FAM168B: variants seen among roughly 807,000 people sequenced by gnomAD.
The protein encoded by FAM168B is family with sequence similarity 168 member B.
A neutral mutation model predicts 21.8 loss-of-function variants in FAM168B; 19 were observed. That is an observed-to-expected ratio of 0.87 (90% CI 0.61 to 1.28). FAM168B has a LOEUF of 1.28. Ranked by LOEUF, FAM168B falls within the 50% of genes most tolerant of loss-of-function variation. The pLI, the probability that FAM168B is intolerant of heterozygous loss-of-function variation, is 0.00. For synonymous variants in FAM168B, 126 were observed against 104.8 expected (o/e 1.20, Z -1.24); for missense variants, 233 against 263.1 (o/e 0.89, Z 0.79).
chr2:131,091,041 T>C lies in FAM168B; in HGVS notation c.-12+2173A>G, dbSNP rs1693992959. 5.3e-5 allele frequency among the ~76,000 whole-genome samples: 8 copies of C among 152,276 alleles called. No homozygotes were observed. In the South Asian group the frequency reaches 1.7e-3, roughly 32 times the overall value. On this transcript the variant is annotated intron_variant, in intron 1 of 6. Transcript: ENST00000389915. ...CACCACACCTGGACAAAAATATATT[T>C]TTAAAAAAGAAGCTGGATACGGTGG...
intron 3 of FAM168B, among the ~76,000 whole-genome samples, chr2:131,061,406 C>T (rs922435106): frequency 6.6e-6 from 1 of 151,542 alleles, no homozygotes; most frequent in Non-Finnish European, 1.5e-5. Flanking sequence ...ATGGAAACAA[C>T]AGTCATGCAT....
intron 1 of FAM168B, among the ~76,000 whole-genome samples, chr2:131,085,347 C>T (rs1693635532): frequency 6.6e-6 from 1 of 152,116 alleles, no homozygotes; most frequent in Non-Finnish European, 1.5e-5. Context: ...TCCCCACATC[C>T]CCATTTAGAA....
At chr2:131,075,275 T>TAAA (rs1172103189) in intron 2 of FAM168B, among the ~76,000 whole-genome samples, 1 of 144,158 alleles carries the variant, frequency 6.9e-6, no homozygotes, top group African/African-American at 2.6e-5. Flanking sequence ...TTCCTTCTTT[T>TAAA]AAAAAAAAAA....
chr2:131,071,106 T>C (rs1004993203), intron 3 of FAM168B, among the ~76,000 whole-genome samples: 3 of 152,212 alleles, frequency 2.0e-5, no homozygotes, highest in Non-Finnish European at 4.4e-5. Flanking sequence ...GGCAGAATTT[T>C]ATGATTAACA....
At chr2:131,069,718 C>A (rs938030797) in intron 3 of FAM168B, among the ~76,000 whole-genome samples, 1 of 152,104 alleles carries the variant, frequency 6.6e-6, no homozygotes, top group African/African-American at 2.4e-5. Flanking sequence ...TGGTCTCGAT[C>A]TCCTGACCTC....
In FAM168B at chr2:131,050,127, G is replaced by A. The variant is rs540358033; in HGVS notation, c.*2338C>T. The A allele has an allele frequency of 3.0e-5, 30 of 985,432 alleles. No individual in the cohort carries two copies. Among genetic ancestry groups the A allele is most frequent in the African/African-American group, 5.2e-5 (3 of 57,350 alleles). The allele number at this position is 985,432 out of a possible 1,614,324, so 61.0% of individuals were successfully genotyped here. A position where few individuals can be genotyped will look rare whatever the true frequency, so the allele number is the denominator to read the frequency against. On this transcript the variant is annotated 3_prime_UTR_variant, in exon 7 of 7. Transcript: ENST00000389915. ...TGTTTATGAAGCTGATGTAAATGGC[G>A]TGTGGGGGGTGCAGCCCACTCTTTA...
intron 5 of FAM168B, among the ~76,000 whole-genome samples, chr2:131,054,728 G>A (rs1691912829): frequency 6.6e-6 from 1 of 152,170 alleles, no homozygotes. Context: ...GCGGAGATGT[G>A]CCCATCCCAG....
chr2:131,072,326 G>C (rs1331497257), intron 2 of FAM168B, among the ~76,000 whole-genome samples: 1 of 151,848 alleles, frequency 6.6e-6, no homozygotes, highest in African/African-American at 2.4e-5. Context: ...GTTTCATCAC[G>C]TTAGCCAGGC....
chr2:131,062,148 CAG>C (rs1692335194), intron 3 of FAM168B, among the ~76,000 whole-genome samples: 1 of 152,154 alleles, frequency 6.6e-6, no homozygotes. Context: ...AGAAAGAGCT[CAG>C]AGTGAAGAGA....
At chr2:131,072,059 A>G (rs1692899982) in intron 2 of FAM168B, 121 bp from the exon 3 acceptor site, 1 of 801,012 alleles carries the variant, frequency 1.2e-6, no homozygotes, top group South Asian at 1.5e-5. Flanking sequence ...AGCAGCCCCA[A>G]GAGCACTATG....
At chr2:131,056,280 A>C (rs1692016569) in intron 3 of FAM168B, among the ~76,000 whole-genome samples, 1 of 152,230 alleles carries the variant, frequency 6.6e-6, no homozygotes, top group African/African-American at 2.4e-5. Context: ...CCCCACACAA[A>C]ATGACATGAA....
chr2:131,066,546 A>T (rs1201489147), intron 3 of FAM168B, among the ~76,000 whole-genome samples: 1 of 151,688 alleles, frequency 6.6e-6, no homozygotes, highest in East Asian at 1.9e-4. Flanking sequence ...AGAGCTTATT[A>T]CAAAGAACAG....
In FAM168B at chr2:131,050,160, A is replaced by G. The variant is rs1021666205; in HGVS notation, c.*2305T>C. The G allele has an allele frequency of 1.0e-6, 1 of 985,448 alleles. No individual in the cohort carries two copies. The highest frequency in any genetic ancestry group is 1.2e-6 in the Non-Finnish European group (1 of 829,930). The allele number at this position is 985,448 out of a possible 1,614,324, so 61.0% of individuals were successfully genotyped here. A position where few individuals can be genotyped will look rare whatever the true frequency, so the allele number is the denominator to read the frequency against. On this transcript the variant is annotated 3_prime_UTR_variant, in exon 7 of 7. Coordinates refer to ENST00000389915, the MANE Select transcript of FAM168B (RefSeq NM_001009993.4). ...GGTGCAGCCCACTCTTTAAAACACC[A>G]TCCTGTGTGTGCCAAGTACCAAGCA...
intron 6 of FAM168B, 112 bp downstream of exon 6, chr2:131,052,779 C>T: frequency 6.9e-7 from 1 of 1,449,926 alleles, no homozygotes; most frequent in Non-Finnish European, 9.2e-7. Context: ...GCCTCTGGAT[C>T]CAGGGTCAGG....
intron 3 of FAM168B, among the ~76,000 whole-genome samples, chr2:131,067,716 A>ATCACAC (rs1427056541): frequency 1.3e-5 from 2 of 151,946 alleles, no homozygotes; most frequent in Non-Finnish European, 2.9e-5. Context: ...GTGAGATCCT[A>ATCACAC]TCACACTCAC....
At chr2:131,059,842 A>C (rs1692205712) in intron 3 of FAM168B, among the ~76,000 whole-genome samples, 2 of 152,368 alleles carry the variant, frequency 1.3e-5, no homozygotes, top group South Asian at 4.1e-4. Context: ...TCTTTTAAAG[A>C]TAATATTTAA....
At chr2:131,078,033 A>C (rs1449317176) in intron 2 of FAM168B, among the ~76,000 whole-genome samples, 1 of 152,216 alleles carries the variant, frequency 6.6e-6, no homozygotes, top group Non-Finnish European at 1.5e-5. Flanking sequence ...TGGATTAAGA[A>C]GACCATTCAG....
chr2:131,053,938 T>C (rs1298420154), intron 5 of FAM168B, among the ~76,000 whole-genome samples: 1 of 152,080 alleles, frequency 6.6e-6, no homozygotes, highest in Non-Finnish European at 1.5e-5. Flanking sequence ...CAACAGTGAC[T>C]CACGCCTGTA....
chr2:131,067,384 C>T (rs980251455), intron 3 of FAM168B, among the ~76,000 whole-genome samples: 1 of 152,136 alleles, frequency 6.6e-6, no homozygotes, highest in South Asian at 2.1e-4. Context: ...GGAAGTCAGA[C>T]TCCGCATATA....
Sources: allele counts gnomAD v4.1 joint callset (sites outside exome capture counted in the v4.1 genomes callset), GRCh38; gene constraint gnomAD v4.1.1; transcripts MANE v1.5; gene names NCBI Gene and HGNC (gene_info 2026-07-23, HGNC 2026-07-21).